Variants in PLCZ1 observed in about 807,000 individuals in gnomAD.
PLCZ1 encodes 1-phosphatidylinositol 4,5-bisphosphate phosphodiesterase zeta-1.
PLCZ1 carries 64 observed loss-of-function variants against 76.8 expected under a neutral mutation model. The observed-to-expected ratio is 0.83, with a 90% CI of 0.68 to 1.03. The LOEUF (loss-of-function observed/expected upper bound fraction) is 1.03. Ranked by LOEUF, PLCZ1 falls within the 50% of genes least tolerant of loss-of-function variation. The probability of loss-of-function intolerance (pLI) is 0.00; values close to 1 mark genes in which losing one functional copy is unlikely to be tolerated. For missense variants in PLCZ1, 751 were observed against 713.7 expected, an observed-to-expected ratio of 1.05 and a Z score of -0.60; for synonymous variants, 248 against 230.8, an observed-to-expected ratio of 1.07 and a Z score of -0.68.
intron 3 of PLCZ1, among the ~76,000 whole-genome samples, chr12:18,727,382 C>A (rs901213928): frequency 1.3e-5 from 2 of 151,928 alleles, no homozygotes; most frequent in Admixed American, 6.6e-5. Context: ...AAAATAAATT[C>A]TATAGATAAT....
chr12:18,703,301 CTA>C (rs899493225), intron 7 of PLCZ1, among the ~76,000 whole-genome samples: 1 of 152,052 alleles, frequency 6.6e-6, no homozygotes, highest in Non-Finnish European at 1.5e-5. Context: ...ATCATCAGCC[CTA>C]TATGTCTTGT....
chr12:18,679,414 A>T (rs945468832), downstream of PLCZ1, among the ~76,000 whole-genome samples: 1 of 152,018 alleles, frequency 6.6e-6, no homozygotes, highest in African/African-American at 2.4e-5. Flanking sequence ...TAGAAGTTTC[A>T]TAACTTTAGC....
chr12:18,720,699 T>A (rs1958387238), intron 4 of PLCZ1, among the ~76,000 whole-genome samples: 1 of 152,028 alleles, frequency 6.6e-6, no homozygotes, highest in Non-Finnish European at 1.5e-5. Context: ...TAGAGTGTGA[T>A]CTTTGGCAGA....
chr12:18,660,711 A>G, the PLCZ1 span, among the ~76,000 whole-genome samples: 5 of 152,168 alleles, frequency 3.3e-5, no homozygotes, highest in Non-Finnish European at 5.9e-5. Flanking sequence ...TCTGATTTCC[A>G]GAGACATGAT....
chr12:18,650,918 T>A, the PLCZ1 span, among the ~76,000 whole-genome samples: 1 of 151,338 alleles, frequency 6.6e-6, no homozygotes, highest in Admixed American at 6.6e-5. Flanking sequence ...CTGAACAGTC[T>A]CCTCCTTTCT....
the PLCZ1 span, among the ~76,000 whole-genome samples, chr12:18,658,179 G>A: frequency 6.6e-6 from 1 of 152,066 alleles, no homozygotes; most frequent in Admixed American, 6.6e-5. Context: ...AAAATCAACA[G>A]ATCCTAAGAG....
the PLCZ1 span, among the ~76,000 whole-genome samples, chr12:18,668,083 A>G: frequency 2.7e-4 from 41 of 152,330 alleles, no homozygotes; most frequent in East Asian, 7.3e-3. Flanking sequence ...GCGTAATTAT[A>G]CTAAAAGAGT....
the PLCZ1 span, chr12:18,648,175 G>A: frequency 2.5e-6 from 1 of 404,310 alleles, no homozygotes; most frequent in South Asian, 9.2e-5. Flanking sequence ...TTAGTCTTTT[G>A]TGTTGTTTAT....
chr12:18,691,019 C>A (rs1953989276), intron 12 of PLCZ1, among the ~76,000 whole-genome samples: 1 of 152,146 alleles, frequency 6.6e-6, no homozygotes, highest in Admixed American at 6.5e-5. Flanking sequence ...AGGACTGAGA[C>A]AGGCTACCTG....
chr12:18,716,183 T>C (rs1296320978), intron 5 of PLCZ1, among the ~76,000 whole-genome samples: 1 of 152,182 alleles, frequency 6.6e-6, no homozygotes, highest in Non-Finnish European at 1.5e-5. Context: ...TTGCCTATTT[T>C]ATCAACAGAG....
intron 10 of PLCZ1, among the ~76,000 whole-genome samples, chr12:18,698,062 A>G (rs1433526907): frequency 6.6e-6 from 1 of 151,916 alleles, no homozygotes; most frequent in African/African-American, 2.4e-5. Flanking sequence ...GTCCTCATGA[A>G]CAACATGAGG....
intron 4 of PLCZ1, among the ~76,000 whole-genome samples, chr12:18,720,830 G>A (rs2137527782): frequency 6.6e-6 from 1 of 151,992 alleles, no homozygotes; most frequent in East Asian, 1.9e-4. Flanking sequence ...ACAAATTAAA[G>A]CTCAAAATAT....
At chr12:18,665,561 G>A in the PLCZ1 span, among the ~76,000 whole-genome samples, 1 of 152,266 alleles carries the variant, frequency 6.6e-6, no homozygotes, top group Non-Finnish European at 1.5e-5. Context: ...GGGAGGCCAA[G>A]GCAGGCAGAT....
At position 18,736,354 on chromosome 12, in the gene PLCZ1, C is replaced by T. The variant is rs745693779; in HGVS notation, c.12-10G>A. 3 of 1,608,850 alleles carry T rather than the reference C, an allele frequency of 1.9e-6. No homozygotes were observed. The highest frequency in any genetic ancestry group is 2.5e-6 in the Non-Finnish European group (3 of 1,177,990). On this transcript the variant is annotated splice_polypyrimidine_tract_variant and intron_variant, in intron 2 of 14. Transcript: ENST00000266505. ...CTTTGACAAAAACCATGTAGAAGCA[C>T]AAAAAAGTTAAGGAAATTCTCACAG... is the stretch of plus-strand genomic sequence containing the variant.
chr12:18,692,458 A>T (rs1489982508), intron 12 of PLCZ1, among the ~76,000 whole-genome samples: 1 of 152,208 alleles, frequency 6.6e-6, no homozygotes, highest in Non-Finnish European at 1.5e-5. Context: ...AAACGTTTTG[A>T]AAAGTCTTTA....
chr12:18,670,583 A>T, the PLCZ1 span, among the ~76,000 whole-genome samples: 2 of 152,180 alleles, frequency 1.3e-5, no homozygotes, highest in Non-Finnish European at 2.9e-5. Flanking sequence ...TCCTTTCTGC[A>T]GGGTTAACTT....
chr12:18,700,057 A>G lies in PLCZ1; in HGVS notation c.1018-107T>C, dbSNP rs1955674506. On this transcript the variant is annotated intron_variant, in intron 9 of 14. Transcript: ENST00000266505. ...TCAAACAAATGATTTTCATCTTTTC[A>G]TAAGATTATCTCCTCAAACACCATT... 14 of 960,110 alleles carry G rather than the reference A, an allele frequency of 1.5e-5. No homozygotes were observed. The Middle Eastern group carries it at 1.3e-3, about 89-fold the overall frequency. 59.5% of individuals were successfully genotyped at this position (960,110 alleles called of 1,614,324 possible).
At chr12:18,668,141 C>A in the PLCZ1 span, among the ~76,000 whole-genome samples, 1 of 152,114 alleles carries the variant, frequency 6.6e-6, no homozygotes, top group African/African-American at 2.4e-5. Flanking sequence ...ATCTCTCTGT[C>A]TCATAGGGAC....
the PLCZ1 span, among the ~76,000 whole-genome samples, chr12:18,651,341 G>A: frequency 6.6e-6 from 1 of 152,106 alleles, no homozygotes; most frequent in African/African-American, 2.4e-5. Flanking sequence ...GATGTTGCAA[G>A]CTGCCCTGTC....
Sources: gnomAD v4.1 joint callset for allele counts (sites outside exome capture counted in the v4.1 genomes callset) on GRCh38, gnomAD v4.1.1 for gene constraint, MANE v1.5 for transcripts, NCBI Gene and HGNC (gene_info 2026-07-23, HGNC 2026-07-21) for gene names.